Variants in TCERG1L observed in about 807,000 individuals in gnomAD.
TCERG1L encodes transcription elongation regulator 1 like.
Under a neutral mutation model 56.3 loss-of-function variants are expected in TCERG1L, and 37 were observed. That is an observed-to-expected ratio of 0.66 (90% confidence interval 0.51 to 0.87). TCERG1L has a LOEUF of 0.87. TCERG1L is among the 40% of genes least tolerant of loss of function. TCERG1L has a pLI of 0.00. For missense variants in TCERG1L, 799 were observed against 774.2 expected, an observed-to-expected ratio of 1.03 and a Z score of -0.38; for synonymous variants, 324 against 326.3, an observed-to-expected ratio of 0.99 and a Z score of 0.08.
chr10:131,157,339 A>G (rs1037558019), intron 6 of TCERG1L, among the ~76,000 whole-genome samples: 4 of 152,180 alleles, frequency 2.6e-5, no homozygotes, highest in African/African-American at 2.4e-5. Flanking sequence ...TTTAATATAT[A>G]TTTTTTAATT....
At chr10:131,257,682 T>G (rs552430661) in intron 4 of TCERG1L, among the ~76,000 whole-genome samples, 1 of 151,448 alleles carries the variant, frequency 6.6e-6, no homozygotes, top group East Asian at 2.0e-4. Flanking sequence ...GTTGTAGGAT[T>G]GTGGCATCTT....
chr10:131,169,052 A>G (rs1846062794), intron 4 of TCERG1L, among the ~76,000 whole-genome samples: 1 of 152,192 alleles, frequency 6.6e-6, no homozygotes, highest in Non-Finnish European at 1.5e-5. Context: ...CAGGAAGAGA[A>G]GCAGAGTCCC....
chr10:131,130,089 A>G (rs1306473868), intron 8 of TCERG1L, among the ~76,000 whole-genome samples: 1 of 140,352 alleles, frequency 7.1e-6, no homozygotes, highest in Non-Finnish European at 1.6e-5. Context: ...GTGATTTATA[A>G]AAAAAAAAAA....
intron 11 of TCERG1L, among the ~76,000 whole-genome samples, chr10:131,093,954 C>T (rs1453480671): frequency 6.6e-6 from 1 of 152,168 alleles, no homozygotes; most frequent in Non-Finnish European, 1.5e-5. Flanking sequence ...GAATGTCCAG[C>T]CCAGTGCCTG....
At chr10:131,145,932 A>C (rs1845790118) in intron 7 of TCERG1L, among the ~76,000 whole-genome samples, 1 of 152,228 alleles carries the variant, frequency 6.6e-6, no homozygotes, top group African/African-American at 2.4e-5. Flanking sequence ...AAAATGCTGA[A>C]AGTTCCTCTC....
intron 6 of TCERG1L, among the ~76,000 whole-genome samples, chr10:131,159,671 G>A (rs556840473): frequency 3.4e-5 from 5 of 146,366 alleles, no homozygotes; most frequent in Non-Finnish European, 7.4e-5. Flanking sequence ...AGGTGAAATA[G>A]GCATAGAGCC....
rs116190162 is a variant in TCERG1L at position 131,290,894 on chromosome 10, T to C, written c.670+17317A>G. On this transcript the variant is annotated intron_variant, in intron 3 of 11. Coordinates refer to ENST00000368642, the MANE Select transcript of TCERG1L (RefSeq NM_174937.4). ...CCTCGCTGGAGCTAGAATCACTGAA[T>C]GAAGTCATATTGGCTTATTTAAAGG... Among the ~76,000 whole-genome samples the C allele has an allele frequency of 2.3e-3, 355 of 152,322 alleles. 2 individuals carry two copies. The highest frequency in any genetic ancestry group is 8.2e-3 in the African/African-American group (341 of 41,566).
chr10:131,272,245 T>C (rs1160749686), intron 3 of TCERG1L, among the ~76,000 whole-genome samples: 1 of 152,202 alleles, frequency 6.6e-6, no homozygotes, highest in Non-Finnish European at 1.5e-5. Context: ...ACTATGCTCC[T>C]TGTGGAAGAC....
chr10:131,259,415 A>T (rs1395732941), intron 4 of TCERG1L, among the ~76,000 whole-genome samples: 1 of 152,132 alleles, frequency 6.6e-6, no homozygotes, highest in Non-Finnish European at 1.5e-5. Context: ...TAACAGAGTA[A>T]ATCCTCAGTT....
At chr10:131,252,060 T>C (rs2133533707) in intron 4 of TCERG1L, among the ~76,000 whole-genome samples, 1 of 152,322 alleles carries the variant, frequency 6.6e-6, no homozygotes, top group East Asian at 1.9e-4. Flanking sequence ...TCCTCAAGGT[T>C]CTTCCATGCT....
chr10:131,192,364 C>T (rs1272085896), intron 4 of TCERG1L, among the ~76,000 whole-genome samples: 1 of 143,532 alleles, frequency 7.0e-6, no homozygotes, highest in Non-Finnish European at 1.5e-5. Flanking sequence ...ATTAAAAAGT[C>T]AGAAAACGAT....
rs546077205 is a variant in TCERG1L, at chr10:131,291,638, A to G, written c.670+16573T>C. On this transcript the variant is annotated intron_variant, in intron 3 of 11. Coordinates refer to ENST00000368642, the MANE Select transcript of TCERG1L (RefSeq NM_174937.4). ...AAACGGGGTTTCACCGTGTTAGCCA[A>G]GGTGGTCTCGATCTCCTGACCTCGT... 2.4e-3 allele frequency among the ~76,000 whole-genome samples: 370 copies of G among 151,508 alleles called. 4 individuals carry two copies. Among genetic ancestry groups the G allele is most frequent in the African/African-American group, 8.3e-3 (344 of 41,322 alleles).
intron 4 of TCERG1L, among the ~76,000 whole-genome samples, chr10:131,187,396 T>C (rs1344241808): frequency 2.6e-5 from 4 of 152,184 alleles, no homozygotes; most frequent in Non-Finnish European, 5.9e-5. Flanking sequence ...GACTCTCCAG[T>C]TGTACTAGAC....
chr10:131,307,136 A>G (rs1327994446), intron 3 of TCERG1L, among the ~76,000 whole-genome samples: 1 of 152,260 alleles, frequency 6.6e-6, no homozygotes, highest in Non-Finnish European at 1.5e-5. Context: ...ATTAAATTAA[A>G]TAGGAAACAT....
At chr10:131,293,006 G>A (rs527336957) in intron 3 of TCERG1L, among the ~76,000 whole-genome samples, 26 of 151,888 alleles carry the variant, frequency 1.7e-4, no homozygotes, top group South Asian at 1.0e-3. Flanking sequence ...ACACGCCACC[G>A]CACCTGGCTA....
At chr10:131,214,577 T>G (rs1845649901) in intron 4 of TCERG1L, among the ~76,000 whole-genome samples, 1 of 152,234 alleles carries the variant, frequency 6.6e-6, no homozygotes, top group Non-Finnish European at 1.5e-5. Flanking sequence ...TTCTCCTGCG[T>G]TTCAGCTGCT....
chr10:131,239,088 T>C (rs1212022790), intron 4 of TCERG1L, among the ~76,000 whole-genome samples: 1 of 152,144 alleles, frequency 6.6e-6, no homozygotes, highest in Non-Finnish European at 1.5e-5. Context: ...AGAGAGCCCA[T>C]TTGAGGCTGC....
chr10:131,174,809 T>C (rs1021177183), intron 4 of TCERG1L, among the ~76,000 whole-genome samples: 2 of 152,272 alleles, frequency 1.3e-5, no homozygotes, highest in Non-Finnish European at 2.9e-5. Flanking sequence ...GGGGTCTCAG[T>C]ACCGAGAGGC....
chr10:131,244,778 C>T (rs1214285096), intron 4 of TCERG1L, among the ~76,000 whole-genome samples: 2 of 152,164 alleles, frequency 1.3e-5, no homozygotes, highest in East Asian at 3.9e-4. Flanking sequence ...CACCTGCGCA[C>T]TTTCAACAGT....
Sources: gnomAD v4.1 joint callset for allele counts (sites outside exome capture counted in the v4.1 genomes callset) on GRCh38, gnomAD v4.1.1 for gene constraint, MANE v1.5 for transcripts, NCBI Gene and HGNC (gene_info 2026-07-23, HGNC 2026-07-21) for gene names.